The following SLC2A13 variants were observed in gnomAD, a reference collection of about 807,000 sequenced individuals.
The protein encoded by SLC2A13 is solute carrier family 2 member 13, also known as proton myo-inositol cotransporter.
SLC2A13 carries 32 observed loss-of-function variants against 64.4 expected under a neutral mutation model. The observed-to-expected ratio is 0.50, with a 90% CI of 0.37 to 0.67. The LOEUF (loss-of-function observed/expected upper bound fraction) is 0.67, where lower values mean the gene tolerates loss of function less well. Among genes scored for constraint, SLC2A13 ranks in the 30% least tolerant of loss-of-function variants. The probability of loss-of-function intolerance (pLI) is 0.00; values close to 1 mark genes in which losing one functional copy is unlikely to be tolerated. For synonymous variants in SLC2A13, 338 were observed against 327.1 expected, an observed-to-expected ratio of 1.03 and a Z score of -0.36; for missense variants, 743 against 829.2, an observed-to-expected ratio of 0.90 and a Z score of 1.28.
intron 6 of SLC2A13, among the ~76,000 whole-genome samples, chr12:39,844,740 A>T (rs1943263619): frequency 6.6e-6 from 1 of 152,058 alleles, no homozygotes; most frequent in Non-Finnish European, 1.5e-5. Context: ...ACTCAGTCTG[A>T]GCTTTTCATG....
chr12:40,095,025 T>C (rs978088252), intron 1 of SLC2A13, among the ~76,000 whole-genome samples: 3 of 152,152 alleles, frequency 2.0e-5, no homozygotes, highest in Non-Finnish European at 2.9e-5. Context: ...TTCTCAGCCA[T>C]AAAGTAAGCA....
chr12:39,941,618 G>T (rs1487648336), intron 4 of SLC2A13, among the ~76,000 whole-genome samples: 1 of 152,088 alleles, frequency 6.6e-6, no homozygotes, highest in Non-Finnish European at 1.5e-5. Context: ...TGATGGGATT[G>T]TTTTTTTCTT....
intron 7 of SLC2A13, among the ~76,000 whole-genome samples, chr12:39,770,148 T>C (rs979206143): frequency 1.3e-5 from 2 of 152,088 alleles, no homozygotes. Flanking sequence ...TCTAAGGTTC[T>C]ATTTTGGGAC....
At chr12:39,991,357 C>G (rs754996152) in intron 3 of SLC2A13, among the ~76,000 whole-genome samples, 2 of 152,186 alleles carry the variant, frequency 1.3e-5, no homozygotes, top group African/African-American at 4.8e-5. Context: ...CACTCCAGTG[C>G]TCTGCTCCCA....
chr12:40,102,732 G>A (rs965173820), intron 1 of SLC2A13, among the ~76,000 whole-genome samples: 5 of 152,142 alleles, frequency 3.3e-5, no homozygotes, highest in Non-Finnish European at 7.3e-5. Context: ...AACCCAGATT[G>A]TGTACCAAAC....
In SLC2A13 at chr12:39,760,143, G is replaced by A. The variant is rs1296189056; in HGVS notation, c.1830C>T (p.Asp610=). 1.2e-6 allele frequency: 2 copies of A among 1,612,842 alleles called. No homozygotes were observed. The highest frequency in any genetic ancestry group is 1.3e-5 in the African/African-American group (1 of 74,798). ...KKLEEIESLF[D]NRLCTCGTSD... is the part of the protein sequence containing the mutation. ...AAGTGCCACATGTACATAGCCTGTT[G>A]TCAAAGAGTGATTCAATTTCCTCTA... The change falls in exon 10 of 10, where the codon GAC becomes GAT. Residue 610 remains aspartate (D), a synonymous_variant. Transcript: ENST00000280871.
At chr12:39,996,782 A>G (rs1204472075) in intron 3 of SLC2A13, among the ~76,000 whole-genome samples, 8 of 152,186 alleles carry the variant, frequency 5.3e-5, no homozygotes, top group Admixed American at 5.2e-4. Context: ...TTGGCCTTTT[A>G]CAATAGCTGC....
chr12:39,965,586 T>TGTCACAGATGTC (rs1452204481), intron 3 of SLC2A13, among the ~76,000 whole-genome samples: 1 of 152,178 alleles, frequency 6.6e-6, no homozygotes. Context: ...CACAGATGTC[T>TGTCACAGATGTC]ACTTATATAT....
At chr12:39,785,104 G>T (rs1231684390) in intron 7 of SLC2A13, among the ~76,000 whole-genome samples, 1 of 152,128 alleles carries the variant, frequency 6.6e-6, no homozygotes, top group East Asian at 1.9e-4. Flanking sequence ...AGTAGCAAGG[G>T]GCCTAATGTG....
intron 4 of SLC2A13, among the ~76,000 whole-genome samples, chr12:39,936,547 A>G (rs1945921405): frequency 6.6e-6 from 1 of 152,180 alleles, no homozygotes. Context: ...ACACCAACTT[A>G]TCTTTTTAAA....
chr12:40,015,148 C>A (rs1947602006), intron 3 of SLC2A13, among the ~76,000 whole-genome samples: 1 of 151,644 alleles, frequency 6.6e-6, no homozygotes, highest in South Asian at 2.1e-4. Context: ...GAACAATAAC[C>A]TTCACTGGCC....
chr12:39,933,445 C>A (rs1360141183), intron 4 of SLC2A13, among the ~76,000 whole-genome samples: 1 of 152,154 alleles, frequency 6.6e-6, no homozygotes, highest in Non-Finnish European at 1.5e-5. Context: ...AGGAAGGATG[C>A]ATGCTAAATA....
At chr12:40,078,251 G>C (rs372601660) in intron 1 of SLC2A13, among the ~76,000 whole-genome samples, 1 of 152,042 alleles carries the variant, frequency 6.6e-6, no homozygotes, top group Non-Finnish European at 1.5e-5. Context: ...AATGATTCCA[G>C]GTTTTACCCA....
Position 39,863,765 on chromosome 12 carries a change from G to A in SLC2A13, c.1319+997C>T, listed in dbSNP as rs182427012. Among the ~76,000 whole-genome samples, 199 of 152,174 alleles carry A rather than the reference G, an allele frequency of 1.3e-3. 3 individuals carry two copies. Among genetic ancestry groups the A allele is most frequent in the African/African-American group, 4.4e-3 (184 of 41,522 alleles). On this transcript the variant is annotated intron_variant, in intron 6 of 9. Coordinates refer to ENST00000280871, the MANE Select transcript of SLC2A13 (RefSeq NM_052885.4). ...CGTGCTATGATGCCTATTTTCCAAA[G>A]GCACATAGATCACAATTTGGAACCA...
chr12:39,856,503 G>A (rs926631443), intron 6 of SLC2A13, among the ~76,000 whole-genome samples: 1 of 152,080 alleles, frequency 6.6e-6, no homozygotes, highest in African/African-American at 2.4e-5. Flanking sequence ...CTAGTAGCTG[G>A]GACTACAGGC....
intron 3 of SLC2A13, among the ~76,000 whole-genome samples, chr12:40,015,257 C>T (rs1436447020): frequency 6.6e-6 from 1 of 151,672 alleles, no homozygotes; most frequent in South Asian, 2.1e-4. Flanking sequence ...AATTTATATT[C>T]GTGGCCTTTC....
In SLC2A13 at chr12:39,759,738, T is replaced by C. The variant is rs11173459; in HGVS notation, c.*288A>G. On this transcript the variant is annotated 3_prime_UTR_variant, in exon 10 of 10. Coordinates refer to ENST00000280871, the MANE Select transcript of SLC2A13 (RefSeq NM_052885.4). ...TTAGGAAAAAAGGATACCACTGAAG[T>C]CACTGGGTACAATATTCATTTTAGA... 44,235 of 310,660 alleles carry C rather than the reference T, an allele frequency of 0.14. 3,952 individuals carry two copies. Among genetic ancestry groups the C allele is most frequent in the East Asian group, 0.36 (4,948 of 13,914 alleles). 19.2% of individuals were successfully genotyped at this position (310,660 alleles called of 1,614,324 possible).
intron 1 of SLC2A13, among the ~76,000 whole-genome samples, chr12:40,059,293 C>T (rs1948380340): frequency 6.6e-6 from 1 of 152,090 alleles, no homozygotes; most frequent in Admixed American, 6.6e-5. Context: ...AGAGTCAATA[C>T]CCTATGCCAG....
chr12:39,987,272 A>G (rs1947047945), intron 3 of SLC2A13, among the ~76,000 whole-genome samples: 2 of 152,228 alleles, frequency 1.3e-5, no homozygotes, highest in Admixed American at 6.5e-5. Context: ...AAACAATGAC[A>G]AAATAATGAG....
Sources: gnomAD v4.1 joint callset for allele counts (sites outside exome capture counted in the v4.1 genomes callset) on GRCh38, gnomAD v4.1.1 for gene constraint, MANE v1.5 for transcripts, NCBI Gene and HGNC (gene_info 2026-07-23, HGNC 2026-07-21) for gene names.